MBP: variants seen among roughly 807,000 people sequenced by gnomAD.
The protein encoded by MBP is Golli-MBP.
Under a neutral mutation model 35.8 loss-of-function variants are expected in MBP, and 16 were observed. The observed-to-expected ratio is 0.45, with a 90% CI of 0.30 to 0.68. The LOEUF (loss-of-function observed/expected upper bound fraction) is 0.68. Among genes scored for constraint, MBP ranks in the 30% least tolerant of loss-of-function variants. The probability of loss-of-function intolerance (pLI) is 0.08; values close to 1 mark genes in which losing one functional copy is unlikely to be tolerated. For synonymous variants in MBP, 143 were observed against 159.6 expected (o/e 0.90, Z 0.78); for missense variants, 380 against 404.7 (o/e 0.94, Z 0.52).
intron 1 of MBP, among the ~76,000 whole-genome samples, chr18:77,132,345 G>T (rs1298490803): frequency 6.6e-6 from 1 of 152,150 alleles, no homozygotes; most frequent in African/African-American, 2.4e-5. Flanking sequence ...CAGGGAGGCC[G>T]CCGGCTGCTA....
intron 4 of MBP, among the ~76,000 whole-genome samples, chr18:77,008,557 A>T (rs572095633): frequency 1.3e-4 from 20 of 151,944 alleles, no homozygotes; most frequent in Non-Finnish European, 2.9e-4. Context: ...TCAGGAAGAA[A>T]TCCTTCTCCC....
At chr18:77,118,486 C>T (rs143464434) in intron 1 of MBP, among the ~76,000 whole-genome samples, 1 of 152,038 alleles carries the variant, frequency 6.6e-6, no homozygotes, top group Non-Finnish European at 1.5e-5. Context: ...AGAGGAAATG[C>T]AGGAAATCTC....
intron 4 of MBP, among the ~76,000 whole-genome samples, chr18:77,011,898 G>C (rs947774509): frequency 1.3e-5 from 2 of 152,184 alleles, no homozygotes; most frequent in Admixed American, 1.3e-4. Flanking sequence ...TGATTTTCAC[G>C]AGTGCTATTG....
intron 2 of MBP, among the ~76,000 whole-genome samples, chr18:77,074,696 C>G (rs956495347): frequency 1.3e-5 from 2 of 152,140 alleles, no homozygotes; most frequent in Admixed American, 6.5e-5. Flanking sequence ...CCAAAGTCCA[C>G]GATTTCATGG....
chr18:77,111,579 C>T (rs1017376134), intron 1 of MBP, among the ~76,000 whole-genome samples: 3 of 152,250 alleles, frequency 2.0e-5, no homozygotes, highest in Non-Finnish European at 4.4e-5. Flanking sequence ...GGCAGGTCCA[C>T]TCGGTCTTGT....
chr18:77,074,358 G>A (rs749311544), intron 2 of MBP, among the ~76,000 whole-genome samples: 1 of 151,834 alleles, frequency 6.6e-6, no homozygotes, highest in Admixed American at 6.6e-5. Flanking sequence ...AGGGGGTTCA[G>A]TGAGCCTGGG....
In MBP at chr18:76,989,959, G is replaced by A; in HGVS notation, c.678C>T (p.Asn226=). 6.2e-7 allele frequency: 1 copy of A among 1,610,800 alleles called. No homozygotes were observed. The highest frequency in any genetic ancestry group is 8.5e-7 in the Non-Finnish European group (1 of 1,178,578). ...DENPVVHFFK[N]IVTPRTPPPS... is the part of the protein sequence containing the mutation. The stretch of plus-strand genomic sequence containing the variant: ...CTTCCCATCGATCGTCACTTACAAT[G>A]TTCTTGAAGAAGTGGACTACGGGGT... Residue 226 remains asparagine, a synonymous_variant, in exon 5 of 9, where the codon AAC becomes AAT. Transcript: ENST00000355994. The surrounding 1 kb of genome is among the most constrained non-coding windows in gnomAD (Gnocchi z 4.0).
Position 77,020,603 on chromosome 18 carries a change from G to C in MBP, c.140-3335C>G, listed in dbSNP as rs915231522. Among the ~76,000 whole-genome samples, 1 of 152,234 alleles carries C rather than the reference G, an allele frequency of 6.6e-6. No homozygotes were observed. The highest frequency in any genetic ancestry group is 6.5e-5 in the Admixed American group (1 of 15,290). On this transcript the variant is annotated intron_variant, in intron 3 of 8. Transcript: ENST00000355994. The surrounding 1 kb of genome is among the most constrained non-coding windows in gnomAD (Gnocchi z 4.1). The stretch of plus-strand genomic sequence containing the variant: ...GCTGTGACCCCATGTGTGACATGCT[G>C]TCTGTTAGGGAGGCTCGTTAGAGAC...
intron 3 of MBP, among the ~76,000 whole-genome samples, chr18:77,041,800 G>A (rs1401412736): frequency 5.6e-5 from 6 of 106,484 alleles, no homozygotes; most frequent in African/African-American, 2.0e-4. Flanking sequence ...AGGGGGGAGG[G>A]ATAGCATTAG....
At chr18:77,075,400 C>T (rs980804881) in intron 2 of MBP, among the ~76,000 whole-genome samples, 6 of 152,206 alleles carry the variant, frequency 3.9e-5, no homozygotes, top group Non-Finnish European at 7.3e-5. Flanking sequence ...TCCATCAAAA[C>T]GCCCATCACA....
chr18:77,024,994 C>T (rs931179530), intron 3 of MBP, among the ~76,000 whole-genome samples: 1 of 152,186 alleles, frequency 6.6e-6, no homozygotes, highest in Non-Finnish European at 1.5e-5. Context: ...CATTCCTGAG[C>T]AGATTGCAGG....
rs1971658590 is a variant in MBP, at chr18:77,016,668, T to TA, written c.576+163_576+164insT. On this transcript the variant is annotated intron_variant, in intron 4 of 8. Transcript: ENST00000355994. ...AAACGAAAACGTCCTAAGCAGCCAC[T>TA]CAGGCCCACACTCTTGGGCTCATAT... The TA allele has an allele frequency of 2.8e-6, 4 of 1,428,942 alleles. No individual in the cohort carries two copies. The African/African-American group carries it at 4.3e-5, about 15-fold the overall frequency. The allele number at this position is 1,428,942 out of a possible 1,614,324, so 88.5% of individuals were successfully genotyped here. A position where few individuals can be genotyped will look rare whatever the true frequency, so the allele number is the denominator to read the frequency against.
At chr18:77,019,303 G>A (rs1398610984) in intron 3 of MBP, among the ~76,000 whole-genome samples, 1 of 152,210 alleles carries the variant, frequency 6.6e-6, no homozygotes, top group Non-Finnish European at 1.5e-5. Flanking sequence ...ATCTTTGCAG[G>A]TGGAATCAAG....
intron 4 of MBP, chr18:77,014,837 A>T (rs1208876018): frequency 1.0e-6 from 1 of 985,304 alleles, no homozygotes; most frequent in African/African-American, 1.7e-5. Flanking sequence ...TCAAAGGGCA[A>T]GCCTGTTCAT....
chr18:77,001,863 GA>G (rs1410808197), intron 4 of MBP, among the ~76,000 whole-genome samples: 1 of 151,922 alleles, frequency 6.6e-6, no homozygotes, highest in Non-Finnish European at 1.5e-5. Context: ...AAAAAGAAAA[GA>G]AAAAAAGCCT....
intron 2 of MBP, among the ~76,000 whole-genome samples, chr18:77,096,509 G>GT (rs921158311): frequency 6.6e-6 from 1 of 152,146 alleles, no homozygotes; most frequent in African/African-American, 2.4e-5. Flanking sequence ...AGACCAATAA[G>GT]TTACTCTCCA....
At chr18:77,029,190 C>T (rs1317190499) in intron 3 of MBP, among the ~76,000 whole-genome samples, 1 of 137,254 alleles carries the variant, frequency 7.3e-6, no homozygotes, top group African/African-American at 2.5e-5. Context: ...TGGCGGATCA[C>T]TCGCGGTTAG....
chr18:76,980,844 G>A (rs934025803), intron 8 of MBP: 3 of 212,336 alleles, frequency 1.4e-5, no homozygotes, highest in Non-Finnish European at 2.9e-5. Context: ...GCAGCCGAGG[G>A]GAACTGCCAG....
At chr18:77,078,593 C>A (rs577457747) in intron 2 of MBP, among the ~76,000 whole-genome samples, 1 of 152,366 alleles carries the variant, frequency 6.6e-6, no homozygotes, top group Admixed American at 6.5e-5. Context: ...GCCGTCTTCC[C>A]ATGAGGATAT....
Sources: gnomAD v4.1 joint callset for allele counts (sites outside exome capture counted in the v4.1 genomes callset) on GRCh38, gnomAD v4.1.1 for gene constraint, Gnocchi (gnomAD v3.1) non-coding constraint, MANE v1.5 for transcripts, NCBI Gene and HGNC (gene_info 2026-07-23, HGNC 2026-07-21) for gene names.